PGM5: variants seen among roughly 807,000 people sequenced by gnomAD.
The protein encoded by PGM5 is phosphoglucomutase-like protein 5.
A neutral mutation model predicts 59.2 loss-of-function variants in PGM5; 23 were observed. The ratio of observed to expected loss-of-function variants is 0.39; its 90% CI spans 0.28 to 0.55. The LOEUF (loss-of-function observed/expected upper bound fraction) is 0.55. PGM5 is among the 20% of genes least tolerant of loss of function. The pLI is 0.66. For missense variants in PGM5, 574 were observed against 748.3 expected (o/e 0.77, Z 2.72); for synonymous variants, 214 against 286.0 (o/e 0.75, Z 2.54).
chr9:68,505,220 G>A (rs1398557676), intron 10 of PGM5, among the ~76,000 whole-genome samples: 1 of 152,190 alleles, frequency 6.6e-6, no homozygotes, highest in East Asian at 1.9e-4. Context: ...TAACGTTGAA[G>A]GCCCAGAAGA....
chr9:68,500,052 G>A (rs183436759), intron 10 of PGM5, among the ~76,000 whole-genome samples: 114 of 152,272 alleles, frequency 7.5e-4, no homozygotes, highest in African/African-American at 2.5e-3. Flanking sequence ...TATACAGCTG[G>A]CTGCTCCTGT....
intron 6 of PGM5, among the ~76,000 whole-genome samples, chr9:68,456,037 C>G (rs1243402697): frequency 6.6e-6 from 1 of 152,138 alleles, no homozygotes; most frequent in Non-Finnish European, 1.5e-5. Context: ...TGATTTAGCT[C>G]TATTTCTCTT....
intron 10 of PGM5, among the ~76,000 whole-genome samples, chr9:68,506,776 T>C (rs1430201083): frequency 2.0e-5 from 3 of 152,146 alleles, no homozygotes; most frequent in South Asian, 4.1e-4. Context: ...TTCACTTTCA[T>C]GACAAGACAA....
intron 10 of PGM5, among the ~76,000 whole-genome samples, chr9:68,511,545 CTT>C (rs3064033): frequency 1.3e-4 from 8 of 62,736 alleles, no homozygotes; most frequent in African/African-American, 2.9e-4. Flanking sequence ...TTGTTTTTGC[CTT>C]TTTTTTTTTT....
intron 6 of PGM5, among the ~76,000 whole-genome samples, chr9:68,456,693 C>T (rs1027893212): frequency 4.1e-5 from 6 of 147,366 alleles, no homozygotes; most frequent in African/African-American, 1.5e-4. Flanking sequence ...GGTGCAATCT[C>T]GGCTCACTGC....
intron 6 of PGM5, among the ~76,000 whole-genome samples, chr9:68,436,903 T>G (rs1250039965): frequency 6.6e-6 from 1 of 152,234 alleles, no homozygotes; most frequent in Non-Finnish European, 1.5e-5. Flanking sequence ...ATGTATTTCC[T>G]GACTCATTCA....
intron 6 of PGM5, among the ~76,000 whole-genome samples, chr9:68,454,555 C>T (rs1355291015): frequency 2.0e-5 from 3 of 152,220 alleles, no homozygotes; most frequent in Non-Finnish European, 2.9e-5. Context: ...TGCCGATGCC[C>T]ACGGAGTGCT....
chr9:68,421,736 A>G (rs1412352586), intron 6 of PGM5, among the ~76,000 whole-genome samples: 2 of 152,016 alleles, frequency 1.3e-5, no homozygotes, highest in South Asian at 4.2e-4. Context: ...GCAAAACAAA[A>G]CAAAACAGAA....
intron 7 of PGM5, among the ~76,000 whole-genome samples, chr9:68,473,069 G>A (rs564364413): frequency 1.1e-4 from 17 of 152,206 alleles, no homozygotes; most frequent in Admixed American, 2.0e-4. Flanking sequence ...AGTGGTTTGA[G>A]AAATGAAAAT....
intron 6 of PGM5, chr9:68,405,109 GC>G (rs2132032154): frequency 6.6e-6 from 1 of 152,290 alleles, no homozygotes; most frequent in Non-Finnish European, 1.5e-5. Context: ...GGAAGACAAA[GC>G]TTTTCTTTCC....
intron 6 of PGM5, among the ~76,000 whole-genome samples, chr9:68,438,068 G>A (rs1012876233): frequency 4.6e-5 from 7 of 152,048 alleles, no homozygotes; most frequent in South Asian, 2.1e-4. Context: ...TGGGTGGATC[G>A]CCTGAGCTCG....
In PGM5 at chr9:68,378,208, C is replaced by T. The variant is rs1186099968; in HGVS notation, c.271C>T (p.Leu91=). The T allele has an allele frequency of 6.4e-7, 1 of 1,552,122 alleles. No individual in the cohort carries two copies. ...TTTTTGGATGGTTTAGATTGGACGA[C>T]TGATTATTGGACAGAATGGCATCTT... ...QMAAANGIGR[L]IIGQNGILST... is the part of the protein sequence containing the mutation. Residue 91 remains leucine, a synonymous_variant, in exon 2 of 11, where the codon CTG becomes TTG. Transcript: ENST00000396396.
chr9:68,384,563 T>G lies in PGM5; in HGVS notation c.571+19T>G. 6.3e-7 allele frequency: 1 copy of G among 1,585,176 alleles called. No homozygotes were observed. The highest frequency in any genetic ancestry group is 8.6e-7 in the Non-Finnish European group (1 of 1,159,642). On this transcript the variant is annotated intron_variant, in intron 3 of 10. Coordinates refer to ENST00000396396, the MANE Select transcript of PGM5 (RefSeq NM_021965.4). Reference sequence around the variant, plus strand: ...TTCAGAGGTAACAGAGATTTTATTTTGAAGAAGTCAGAGTAACTATGTGGA... The same window carrying G: ...TTCAGAGGTAACAGAGATTTTATTTGGAAGAAGTCAGAGTAACTATGTGGA...
chr9:68,471,185 G>A (rs1554686202), intron 7 of PGM5, among the ~76,000 whole-genome samples: 2 of 152,204 alleles, frequency 1.3e-5, no homozygotes, highest in African/African-American at 2.4e-5. Context: ...CATCTGTACT[G>A]ACCAGAGTAT....
chr9:68,516,890 A>T (rs1045695998), intron 10 of PGM5, among the ~76,000 whole-genome samples: 2 of 151,674 alleles, frequency 1.3e-5, no homozygotes, highest in African/African-American at 4.8e-5. Context: ...TTTTGTTTTG[A>T]GACAGAGTTT....
intron 4 of PGM5, among the ~76,000 whole-genome samples, chr9:68,388,070 T>C (rs1554679066): frequency 6.9e-6 from 1 of 144,010 alleles, no homozygotes; most frequent in African/African-American, 2.6e-5. Context: ...GAATTCATAC[T>C]ACAGGAACTG....
intron 1 of PGM5, among the ~76,000 whole-genome samples, chr9:68,366,826 T>C (rs1408735913): frequency 1.3e-5 from 2 of 152,198 alleles, no homozygotes; most frequent in Non-Finnish European, 2.9e-5. Context: ...GATAATGGGT[T>C]ACAGCATTAT....
At chr9:68,371,896 A>T (rs1429042076) in intron 1 of PGM5, among the ~76,000 whole-genome samples, 7 of 152,224 alleles carry the variant, frequency 4.6e-5, no homozygotes, top group Admixed American at 3.9e-4. Context: ...AGTGATGTGA[A>T]CACAAGCTCG....
intron 6 of PGM5, among the ~76,000 whole-genome samples, chr9:68,410,976 T>C (rs1822919542): frequency 1.3e-5 from 2 of 152,208 alleles, no homozygotes; most frequent in Admixed American, 6.5e-5. Context: ...GATTTCCTCA[T>C]GGAAAGGCCC....
Sources: allele counts gnomAD v4.1 joint callset (sites outside exome capture counted in the v4.1 genomes callset), GRCh38; gene constraint gnomAD v4.1.1; transcripts MANE v1.5; gene names NCBI Gene and HGNC (gene_info 2026-07-23, HGNC 2026-07-21).